Variants in SPART observed in about 807,000 individuals in gnomAD.
SPART encodes spartin, also known as spastic paraplegia 20 (Troyer syndrome).
In SPART, 35 loss-of-function variants were observed where a neutral mutation model predicts 58.7. That is an observed-to-expected ratio of 0.60 (90% CI 0.46 to 0.79). The LOEUF is 0.79. Among genes scored for constraint, SPART ranks in the 30% least tolerant of loss-of-function variants. The pLI, the probability that SPART is intolerant of heterozygous loss-of-function variation, is 0.00. For missense variants in SPART, 730 were observed against 786.1 expected, an observed-to-expected ratio of 0.93 and a Z score of 0.85; for synonymous variants, 284 against 280.7, an observed-to-expected ratio of 1.01 and a Z score of -0.12.
chr13:36,338,412 C>T (rs188446572), intron 1 of SPART, among the ~76,000 whole-genome samples: 58 of 152,188 alleles, frequency 3.8e-4, no homozygotes, highest in Non-Finnish European at 7.2e-4. Flanking sequence ...AAATCAGAGA[C>T]GCAGCTGCAC....
Position 36,335,558 on chromosome 13 carries a change from C to G in SPART, c.273G>C (p.Arg91Ser). 6.8e-6 allele frequency: 11 copies of G among 1,614,150 alleles called. No individual in the cohort carries two copies. The highest frequency in any genetic ancestry group is 9.3e-6 in the Non-Finnish European group (11 of 1,180,040). ...CAAGACCCTTCTCTAGAATTTCCAG[C>G]CTGGTGCGTACATTCTGTAGAGTTT... ...MKETLQNVRTRLEILEKGLAT... is the reference protein window; with the variant it reads ...MKETLQNVRTSLEILEKGLAT... The change falls in exon 2 of 9, where the codon AGG (arginine) becomes AGC (serine). Residue 91 changes from arginine (R) to serine (S), a missense_variant. By Grantham distance (110) the Arg-to-Ser change is moderately radical. Transcript: ENST00000438666.
intron 5 of SPART, among the ~76,000 whole-genome samples, chr13:36,317,286 T>C (rs2137366688): frequency 6.6e-6 from 1 of 152,028 alleles, no homozygotes; most frequent in East Asian, 1.9e-4. Flanking sequence ...TCTCTACCCC[T>C]TCTCTGCTTT....
At chr13:36,348,277 C>G (rs1314139388), upstream of SPART, among the ~76,000 whole-genome samples, 6 of 152,096 alleles carry the variant, frequency 3.9e-5, no homozygotes, top group African/African-American at 1.2e-4. Context: ...AGAGCCAGAC[C>G]CTGTACCCCC....
At chr13:36,355,438 C>T (rs1885585203) in intron 1 of SPART, among the ~76,000 whole-genome samples, 1 of 152,150 alleles carries the variant, frequency 6.6e-6, no homozygotes, top group South Asian at 2.1e-4. Context: ...TTTTCAATAT[C>T]CACATAACAT....
upstream of SPART, chr13:36,346,705 C>G (rs988382583): frequency 7.5e-6 from 1 of 134,002 alleles, no homozygotes; most frequent in Non-Finnish European, 1.7e-5. Context: ...TCAGCGGCCC[C>G]GCGCAGACCC....
At chr13:36,317,705 C>A (rs946320833) in intron 5 of SPART, among the ~76,000 whole-genome samples, 3 of 151,922 alleles carry the variant, frequency 2.0e-5, no homozygotes, top group African/African-American at 4.8e-5. Context: ...CTATAGGCAA[C>A]CTTCCACCCT....
Position 36,304,435 on chromosome 13 carries a change from T to A in SPART, c.1931A>T (p.Asn644Ile). ...SQRENQEGAA[N>I]VNVRGEKDEQ... ...ATCCTTCTCCCCTCTCACGTTGACATTTGCTGCTCCTTCTTGATTTTCCCT... is the reference window on the plus strand; with the variant it reads ...ATCCTTCTCCCCTCTCACGTTGACAATTGCTGCTCCTTCTTGATTTTCCCT... The change falls in exon 9 of 9, where the codon AAT (asparagine) becomes ATT (isoleucine). Residue 644 changes from asparagine (N) to isoleucine (I), a missense_variant. By Grantham distance (149) the Asn-to-Ile change is moderately radical. Transcript: ENST00000438666. The A allele has an allele frequency of 6.2e-7, 1 of 1,614,138 alleles. No individual in the cohort carries two copies. The highest frequency in any genetic ancestry group is 8.5e-7 in the Non-Finnish European group (1 of 1,180,010).
chr13:36,338,595 C>T (rs1247803244), intron 1 of SPART, among the ~76,000 whole-genome samples: 1 of 152,058 alleles, frequency 6.6e-6, no homozygotes, highest in African/African-American at 2.4e-5. Context: ...TCTCTACAGC[C>T]CTGAAAGACT....
upstream of SPART, among the ~76,000 whole-genome samples, chr13:36,347,274 A>G (rs983057950): frequency 3.9e-5 from 6 of 152,162 alleles, no homozygotes. Context: ...GCTGGAGTGC[A>G]GTGGCATGAT....
intron 1 of SPART, among the ~76,000 whole-genome samples, chr13:36,352,955 G>C (rs908029617): frequency 2.0e-5 from 3 of 152,088 alleles, no homozygotes; most frequent in African/African-American, 7.2e-5. Flanking sequence ...ACCAGAACCT[G>C]TCTCAAAAAT....
At position 36,312,572 on chromosome 13, in the gene SPART, A is replaced by C. The variant is rs1881247326; in HGVS notation, c.1484-95T>G. The C allele has an allele frequency of 1.1e-5, 14 of 1,272,794 alleles. No individual in the cohort carries two copies. In the South Asian group the frequency reaches 1.6e-4, roughly 14 times the overall value. 78.8% of individuals were successfully genotyped at this position (1,272,794 alleles called of 1,614,324 possible). A position where few individuals can be genotyped will look rare whatever the true frequency, so the allele number is the denominator to read the frequency against. ...GCAACATTCTTAAATGAACATCTAA[A>C]TTGTTTTACTATATAATGTTACAAT... On this transcript the variant is annotated intron_variant, in intron 6 of 8. Coordinates refer to ENST00000438666, the MANE Select transcript of SPART (RefSeq NM_015087.5).
chr13:36,331,327 A>G, intron 3 of SPART, 72 bp downstream of exon 3: 1 of 1,314,944 alleles, frequency 7.6e-7, no homozygotes, highest in Non-Finnish European at 1.1e-6. Context: ...AGGTTATTAC[A>G]ATTTCTCTAA....
Position 36,335,418 on chromosome 13 carries a change from T to A in SPART, c.413A>T (p.His138Leu). 6.2e-7 allele frequency: 1 copy of A among 1,614,108 alleles called. No individual in the cohort carries two copies. Among genetic ancestry groups the A allele is most frequent in the Non-Finnish European group, 8.5e-7 (1 of 1,180,010 alleles). Reference sequence around the variant, plus strand: ...TGAGGTGTTTCCATTTACTTCAGCATGCTGAGGAGCTGAACTAAAAGACTG... The same window carrying A: ...TGAGGTGTTTCCATTTACTTCAGCAAGCTGAGGAGCTGAACTAAAAGACTG... ...EPQSFSSAPQ[H>L]AEVNGNTSTP... The change falls in exon 2 of 9, where the codon CAT (histidine) becomes CTT (leucine). Residue 138 changes from histidine (H) to leucine (L), a missense_variant. His to Leu is a moderately conservative substitution (Grantham distance 99). Coordinates refer to ENST00000438666, the MANE Select transcript of SPART (RefSeq NM_015087.5).
At chr13:36,309,242 T>TC (rs1880835028) in intron 8 of SPART, among the ~76,000 whole-genome samples, 1 of 105,616 alleles carries the variant, frequency 9.5e-6, no homozygotes, top group Admixed American at 1.1e-4. Context: ...AAACTCCGTC[T>TC]CAAAAAAAAA....
rs1044322799 is a variant in SPART at position 36,303,661 on chromosome 13, C to T, written c.*704G>A. ...ATAATAATCACTTCGAATTTTAATA[C>T]AATACAATCATGTTCCCAAATTTCC... is the stretch of plus-strand genomic sequence containing the variant. On this transcript the variant is annotated 3_prime_UTR_variant, in exon 9 of 9. Coordinates refer to ENST00000438666, the MANE Select transcript of SPART (RefSeq NM_015087.5). 6.6e-6 allele frequency: 1 copy of T among 152,326 alleles called. No individual in the cohort carries two copies. Among genetic ancestry groups the T allele is most frequent in the African/African-American group, 2.4e-5 (1 of 41,398 alleles). 9.4% of individuals were successfully genotyped at this position (152,326 alleles called of 1,614,324 possible).
At chr13:36,338,163 G>T (rs1421217122) in intron 1 of SPART, among the ~76,000 whole-genome samples, 1 of 152,118 alleles carries the variant, frequency 6.6e-6, no homozygotes, top group African/African-American at 2.4e-5. Flanking sequence ...TTGGATAAGG[G>T]GTTAGGGGGG....
chr13:36,355,576 T>A (rs1283438899), intron 1 of SPART, among the ~76,000 whole-genome samples: 2 of 152,238 alleles, frequency 1.3e-5, no homozygotes, highest in South Asian at 4.1e-4. Context: ...ATATGTTACT[T>A]GCAACAAAGC....
chr13:36,347,402 A>G (rs973784825), upstream of SPART, among the ~76,000 whole-genome samples: 2 of 152,142 alleles, frequency 1.3e-5, no homozygotes, highest in Admixed American at 1.3e-4. Context: ...TATTTTTAGT[A>G]GAGACGGGGT....
intron 2 of SPART, 46 bp from the exon 3 acceptor site, chr13:36,331,642 G>A (rs936988184): frequency 3.9e-5 from 51 of 1,321,884 alleles, no homozygotes; most frequent in Middle Eastern, 4.0e-4. Context: ...ATAAATAAAT[G>A]AAACTAGATT....
Sources: allele counts gnomAD v4.1 joint callset (sites outside exome capture counted in the v4.1 genomes callset), GRCh38; gene constraint gnomAD v4.1.1; transcripts MANE v1.5; gene names NCBI Gene and HGNC (gene_info 2026-07-23, HGNC 2026-07-21).